DOCK1: variants seen among roughly 807,000 people sequenced by gnomAD.
DOCK1 encodes the protein dedicator of cytokinesis 1.
Under a neutral mutation model 262.7 loss-of-function variants are expected in DOCK1, and 138 were observed. The ratio of observed to expected loss-of-function variants is 0.53; its 90% CI spans 0.46 to 0.61. DOCK1 has a LOEUF of 0.61. Among genes scored for constraint, DOCK1 ranks in the 20% least tolerant of loss-of-function variants. The pLI is 0.00. For synonymous variants in DOCK1, 866 were observed against 867.4 expected (o/e 1.00, Z 0.03); for missense variants, 1,908 against 2,370.7 (o/e 0.80, Z 4.05).
chr10:127,175,556 T>C lies in DOCK1; in HGVS notation c.2847+47792T>C. On this transcript the variant is annotated intron_variant, in intron 27 of 51. Coordinates refer to ENST00000623213, the MANE Select transcript of DOCK1 (RefSeq NM_001290223.2). This position sits in a 1 kb window ranked among gnomAD's most constrained non-coding sequence, Gnocchi z 6.3. ...TCCGCTCGTCATCTGCCGGGCAGAG[T>C]GACCACTGGCTGGCGGCTGCAGAGT... The C allele has an allele frequency of 6.2e-7, 1 of 1,611,744 alleles. No homozygotes were observed. The highest frequency in any genetic ancestry group is 8.5e-7 in the Non-Finnish European group (1 of 1,179,958).
chr10:127,363,749 G>A (rs1464116767), intron 33 of DOCK1, among the ~76,000 whole-genome samples: 5 of 152,242 alleles, frequency 3.3e-5, no homozygotes, highest in Admixed American at 2.6e-4. Context: ...CGGTATCCAC[G>A]AAGAATGATT....
At chr10:126,990,730 G>A (rs2039730022) in intron 6 of DOCK1, 127 bp downstream of exon 6, 2 of 1,217,838 alleles carry the variant, frequency 1.6e-6, no homozygotes, top group Middle Eastern at 2.6e-4. Flanking sequence ...GTAATGGCAT[G>A]TTTTTCATTT....
chr10:127,233,219 A>G (rs892697693), intron 27 of DOCK1, among the ~76,000 whole-genome samples: 3 of 152,204 alleles, frequency 2.0e-5, no homozygotes, highest in Non-Finnish European at 4.4e-5. Context: ...AGTATGATCA[A>G]TGCTAAGTGT....
intron 32 of DOCK1, among the ~76,000 whole-genome samples, chr10:127,358,536 T>C (rs75454325): frequency 0.013 from 1,947 of 152,304 alleles, 31 homozygotes; most frequent in Non-Finnish European, 0.021. Flanking sequence ...GTTTATTACA[T>C]CCAGCACACT....
intron 38 of DOCK1, among the ~76,000 whole-genome samples, chr10:127,388,061 C>T (rs912299339): frequency 6.6e-6 from 1 of 152,124 alleles, no homozygotes; most frequent in Non-Finnish European, 1.5e-5. Flanking sequence ...ACATGGCCCC[C>T]ACACCACAAA....
intron 29 of DOCK1, 124 bp from the exon 30 acceptor site, chr10:127,338,882 T>C: frequency 1.3e-6 from 1 of 779,814 alleles, no homozygotes. Flanking sequence ...ACCTCACAGC[T>C]TTGCGCAAGA....
intron 10 of DOCK1, among the ~76,000 whole-genome samples, chr10:127,007,249 TG>T (rs2041102280): frequency 1.3e-5 from 2 of 152,186 alleles, no homozygotes; most frequent in Non-Finnish European, 2.9e-5. Context: ...CTGAGGCCCC[TG>T]GGGCCCCACC....
chr10:126,907,610 T>C (rs557809948), intron 1 of DOCK1, among the ~76,000 whole-genome samples: 14 of 152,270 alleles, frequency 9.2e-5, no homozygotes, highest in African/African-American at 2.9e-4. Flanking sequence ...GAGACCTTGT[T>C]ACCCTTCGTC....
chr10:127,150,473 T>G (rs1318030457), intron 27 of DOCK1, among the ~76,000 whole-genome samples: 1 of 152,188 alleles, frequency 6.6e-6, no homozygotes, highest in Non-Finnish European at 1.5e-5. Flanking sequence ...TTAGCTGATG[T>G]GCTAGATTAA....
intron 27 of DOCK1, among the ~76,000 whole-genome samples, chr10:127,223,915 G>A (rs1157151890): frequency 2.6e-5 from 4 of 152,172 alleles, no homozygotes. Context: ...TCAAGGGACA[G>A]GATCAGGGGA....
Position 127,451,337 on chromosome 10 carries a change from G to T in DOCK1, c.5571G>T (p.Leu1857=), listed in dbSNP as rs1464569434. The T allele has an allele frequency of 1.3e-6, 2 of 1,594,490 alleles. No homozygotes were observed. The highest frequency in any genetic ancestry group is 1.7e-6 in the Non-Finnish European group (2 of 1,170,744). The change falls in exon 52 of 52, where the codon CTG becomes CTT. Residue 1857 remains leucine (L), a synonymous_variant. Coordinates refer to ENST00000623213, the MANE Select transcript of DOCK1 (RefSeq NM_001290223.2). ...PPPPPPHQRH[L]PPPLPSKTPP... ...CCCATCCTCATGTTTTTTAGCATCT[G>T]CCACCTCCACTGCCCAGCAAAACTC...
At chr10:127,178,567 G>A (rs1359694779) in intron 27 of DOCK1, among the ~76,000 whole-genome samples, 3 of 152,212 alleles carry the variant, frequency 2.0e-5, no homozygotes, top group African/African-American at 7.2e-5. Flanking sequence ...ACCTCTGGAT[G>A]CCTCGGGCTC....
chr10:127,000,582 C>A (rs1157937033), intron 10 of DOCK1: 1 of 367,166 alleles, frequency 2.7e-6, no homozygotes, highest in East Asian at 5.1e-5. Context: ...CCCATATTCT[C>A]AGTCTGTAGG....
intron 33 of DOCK1, among the ~76,000 whole-genome samples, chr10:127,365,978 T>C (rs1043031685): frequency 6.6e-6 from 1 of 152,212 alleles, no homozygotes; most frequent in African/African-American, 2.4e-5. Flanking sequence ...CATGAAGTAA[T>C]TGGCACATTT....
At chr10:127,279,539 T>C (rs2135261881) in intron 29 of DOCK1, among the ~76,000 whole-genome samples, 1 of 152,342 alleles carries the variant, frequency 6.6e-6, no homozygotes. Context: ...GATGTAGAAC[T>C]TCTGTACCAA....
chr10:126,994,261 G>T (rs1487202507), intron 6 of DOCK1, among the ~76,000 whole-genome samples: 1 of 152,036 alleles, frequency 6.6e-6, no homozygotes, highest in Non-Finnish European at 1.5e-5. Context: ...CAATTTTGTT[G>T]GATTTGAGGA....
intron 29 of DOCK1, among the ~76,000 whole-genome samples, chr10:127,269,304 TC>T (rs781442670): frequency 1.4e-4 from 22 of 152,140 alleles, no homozygotes; most frequent in Admixed American, 1.1e-3. Context: ...TGTGTCATTG[TC>T]CCTCTGAATC....
chr10:127,387,942 C>T (rs1013853066), intron 38 of DOCK1, among the ~76,000 whole-genome samples: 1 of 149,734 alleles, frequency 6.7e-6, no homozygotes, highest in Non-Finnish European at 1.5e-5. Flanking sequence ...AGGGGCAAAA[C>T]GAATGTGTTC....
chr10:127,377,227 A>T (rs577643058), intron 35 of DOCK1, among the ~76,000 whole-genome samples: 5 of 152,200 alleles, frequency 3.3e-5, no homozygotes, highest in Admixed American at 1.3e-4. Context: ...AGTTTTAAAG[A>T]TAGGTAGATA....
Sources: gnomAD v4.1 joint callset for allele counts (sites outside exome capture counted in the v4.1 genomes callset) on GRCh38, gnomAD v4.1.1 for gene constraint, Gnocchi (gnomAD v3.1) non-coding constraint, MANE v1.5 for transcripts, NCBI Gene and HGNC (gene_info 2026-07-23, HGNC 2026-07-21) for gene names.